Variants in FANCL observed in about 807,000 individuals in gnomAD.
The protein encoded by FANCL is FA complementation group L.
Under a neutral mutation model 59.4 loss-of-function variants are expected in FANCL, and 69 were observed. That is an observed-to-expected ratio of 1.16 (90% confidence interval 0.96 to 1.42). The LOEUF (loss-of-function observed/expected upper bound fraction) is 1.42, where lower values mean the gene tolerates loss of function less well. Among genes scored for constraint, FANCL ranks in the 40% most tolerant of loss-of-function variants. The pLI is 0.00. For missense variants in FANCL, 519 were observed against 447.2 expected, an observed-to-expected ratio of 1.16 and a Z score of -1.45; for synonymous variants, 180 against 147.1, an observed-to-expected ratio of 1.22 and a Z score of -1.62.
At chr2:58,187,156 G>C (rs1038617964) in intron 7 of FANCL, among the ~76,000 whole-genome samples, 1 of 152,026 alleles carries the variant, frequency 6.6e-6, no homozygotes, top group African/African-American at 2.4e-5. Context: ...CAAAGACTTG[G>C]AACCAACCCA....
intron 4 of FANCL, among the ~76,000 whole-genome samples, chr2:58,225,367 A>C (rs190455830): frequency 1.3e-5 from 2 of 151,986 alleles, no homozygotes; most frequent in African/African-American, 4.8e-5. Flanking sequence ...CAAATTAACC[A>C]AACAACTGAT....
At chr2:58,182,651 T>A (rs1323694474) in intron 7 of FANCL, among the ~76,000 whole-genome samples, 1 of 151,768 alleles carries the variant, frequency 6.6e-6, no homozygotes, top group Non-Finnish European at 1.5e-5. Context: ...TTCAACAAAG[T>A]ATATGAGTCA....
chr2:58,195,394 C>T (rs1370649715), intron 7 of FANCL, among the ~76,000 whole-genome samples: 1 of 152,060 alleles, frequency 6.6e-6, no homozygotes, highest in South Asian at 2.1e-4. Flanking sequence ...CAGCCCCCAA[C>T]CCGCACAAAT....
At chr2:58,200,185 T>C (rs73944835) in intron 6 of FANCL, among the ~76,000 whole-genome samples, 4,529 of 152,110 alleles carry the variant, frequency 0.03, 239 homozygotes, top group African/African-American at 0.1. Flanking sequence ...TCAGATGATG[T>C]GCTTCAGAGT....
chr2:58,208,052 A>G (rs1690767833), intron 5 of FANCL, among the ~76,000 whole-genome samples: 1 of 152,226 alleles, frequency 6.6e-6, no homozygotes, highest in Admixed American at 6.5e-5. Flanking sequence ...GACAGAGACC[A>G]TGTCACTAAA....
At chr2:58,221,532 T>C (rs1692479940) in intron 5 of FANCL, among the ~76,000 whole-genome samples, 1 of 152,158 alleles carries the variant, frequency 6.6e-6, no homozygotes, top group African/African-American at 2.4e-5. Context: ...ACTTATAATG[T>C]TATATATATG....
intron 7 of FANCL, among the ~76,000 whole-genome samples, chr2:58,175,711 T>C (rs992310144): frequency 6.6e-6 from 1 of 152,166 alleles, no homozygotes; most frequent in African/African-American, 2.4e-5. Flanking sequence ...AGCATTCCCT[T>C]TGAAAACCAG....
At chr2:58,191,654 A>G (rs1482161442) in intron 7 of FANCL, among the ~76,000 whole-genome samples, 5 of 151,918 alleles carry the variant, frequency 3.3e-5, no homozygotes, top group Admixed American at 2.6e-4. Flanking sequence ...TCTTTAACAT[A>G]TACATAATTC....
Position 58,159,519 on chromosome 2 carries a change from T to C in FANCL, c.*246A>G. ...AGAAGTCAAGATCTCCATCTTGGTA[T>C]AAATACACTTCCACAGTCAGCACGG... On this transcript the variant is annotated 3_prime_UTR_variant, in exon 14 of 14. Coordinates refer to ENST00000233741, the MANE Select transcript of FANCL (RefSeq NM_018062.4). 6.2e-7 allele frequency: 1 copy of C among 1,613,802 alleles called. No individual in the cohort carries two copies. The highest frequency in any genetic ancestry group is 1.1e-5 in the South Asian group (1 of 91,068).
chr2:58,165,912 C>G (rs974855787), intron 7 of FANCL, 38 bp from the exon 8 acceptor site: 1 of 1,587,990 alleles, frequency 6.3e-7, no homozygotes, highest in Non-Finnish European at 8.6e-7. Flanking sequence ...TTATATGGTA[C>G]TCTACCAATA....
At chr2:58,209,307 T>A (rs1690895915) in intron 5 of FANCL, among the ~76,000 whole-genome samples, 3 of 152,214 alleles carry the variant, frequency 2.0e-5, no homozygotes, top group African/African-American at 7.2e-5. Flanking sequence ...CATGTGTAAG[T>A]TTCAAACAAT....
intron 5 of FANCL, among the ~76,000 whole-genome samples, chr2:58,210,461 G>A (rs1211618762): frequency 1.3e-5 from 2 of 152,182 alleles, no homozygotes; most frequent in East Asian, 1.9e-4. Context: ...AATTCAAGAT[G>A]AGACTTGGGT....
chr2:58,216,163 G>C (rs73944837), intron 5 of FANCL, among the ~76,000 whole-genome samples: 3,826 of 152,222 alleles, frequency 0.025, 163 homozygotes, highest in African/African-American at 0.088. Flanking sequence ...CCTGGCTCTT[G>C]CTTGGAAGCT....
chr2:58,220,285 T>C (rs1455072472), intron 5 of FANCL, among the ~76,000 whole-genome samples: 1 of 152,152 alleles, frequency 6.6e-6, no homozygotes, highest in African/African-American at 2.4e-5. Flanking sequence ...TCATAAAAAA[T>C]TAAGTCTACA....
chr2:58,176,319 C>A (rs1687304603), intron 7 of FANCL, among the ~76,000 whole-genome samples: 1 of 152,016 alleles, frequency 6.6e-6, no homozygotes, highest in Non-Finnish European at 1.5e-5. Flanking sequence ...CCCGCATCGC[C>A]AAGTCAATCC....
chr2:58,214,771 C>T (rs780185177), intron 5 of FANCL, among the ~76,000 whole-genome samples: 6 of 152,108 alleles, frequency 3.9e-5, no homozygotes, highest in African/African-American at 4.8e-5. Flanking sequence ...CCTCAGCCCC[C>T]CAAAGTACTG....
chr2:58,176,243 T>C (rs567830636), intron 7 of FANCL, among the ~76,000 whole-genome samples: 1 of 152,316 alleles, frequency 6.6e-6, no homozygotes, highest in Non-Finnish European at 1.5e-5. Flanking sequence ...CCCATCAAGC[T>C]ACCAGTGACT....
chr2:58,200,504 T>C (rs1400434130), intron 6 of FANCL, among the ~76,000 whole-genome samples: 1 of 152,060 alleles, frequency 6.6e-6, no homozygotes, highest in Non-Finnish European at 1.5e-5. Flanking sequence ...CTATTTATCT[T>C]AGTGATGCTG....
chr2:58,178,713 T>C (rs1687621156), intron 7 of FANCL, among the ~76,000 whole-genome samples: 1 of 152,132 alleles, frequency 6.6e-6, no homozygotes. Flanking sequence ...TTCAACACTG[T>C]ATTGGAAGTT....
Sources: allele counts gnomAD v4.1 joint callset (sites outside exome capture counted in the v4.1 genomes callset), GRCh38; gene constraint gnomAD v4.1.1; transcripts MANE v1.5; gene names NCBI Gene and HGNC (gene_info 2026-07-23, HGNC 2026-07-21).